HSPA4L: variants seen among roughly 807,000 people sequenced by gnomAD.
The protein encoded by HSPA4L is heat shock protein family A (Hsp70) member 4 like.
In HSPA4L, 48 loss-of-function variants were observed where a neutral mutation model predicts 100.3. The ratio of observed to expected loss-of-function variants is 0.48; its 90% CI spans 0.38 to 0.61. HSPA4L has a LOEUF of 0.61. Among genes scored for constraint, HSPA4L ranks in the 20% least tolerant of loss-of-function variants. The pLI is 0.00. For missense variants in HSPA4L, 886 were observed against 988.6 expected (o/e 0.90, Z 1.39); for synonymous variants, 319 against 328.2 (o/e 0.97, Z 0.30).
chr4:127,825,056 C>T (rs969481734), intron 16 of HSPA4L, among the ~76,000 whole-genome samples: 28 of 151,726 alleles, frequency 1.8e-4, no homozygotes, highest in Admixed American at 1.3e-4. Context: ...AGGAGAATGG[C>T]GTGAACCCAG....
At chr4:127,821,039 G>A (rs901760842) in intron 14 of HSPA4L, among the ~76,000 whole-genome samples, 5 of 151,998 alleles carry the variant, frequency 3.3e-5, no homozygotes, top group Admixed American at 2.0e-4. Context: ...TAGAGGAAAC[G>A]AGTTTTGTTT....
chr4:127,792,491 C>T (rs553594834), intron 1 of HSPA4L, among the ~76,000 whole-genome samples: 90 of 152,260 alleles, frequency 5.9e-4, no homozygotes, highest in Non-Finnish European at 1.1e-3. Flanking sequence ...ATATTCAGTT[C>T]TCTGTATATC....
intron 13 of HSPA4L, among the ~76,000 whole-genome samples, 182 bp from the exon 14 acceptor site, chr4:127,820,246 A>G (rs1005255752): frequency 2.6e-5 from 4 of 152,124 alleles, no homozygotes; most frequent in Admixed American, 6.5e-5. Context: ...TTCCAACCCA[A>G]TATTTTTAAT....
At chr4:127,823,941 A>G (rs1262315335) in intron 16 of HSPA4L, among the ~76,000 whole-genome samples, 1 of 152,224 alleles carries the variant, frequency 6.6e-6, no homozygotes, top group Non-Finnish European at 1.5e-5. Context: ...ATGATGTACA[A>G]TAGATCTCTT....
chr4:127,816,705 C>T (rs1425450815), intron 12 of HSPA4L, among the ~76,000 whole-genome samples: 4 of 152,144 alleles, frequency 2.6e-5, no homozygotes, highest in Admixed American at 2.0e-4. Flanking sequence ...AATGCTGGGT[C>T]ATTTATACTC....
chr4:127,837,749 A>G lies in HSPA4L; in HGVS notation c.*4875A>G, dbSNP rs1734247128. ...TTGTAACCAAAACAAGCAAAAAGAA[A>G]CTTTAGCTGTTTAACTATCACCTCT... On this transcript the variant is annotated 3_prime_UTR_variant, in exon 19 of 19. Coordinates refer to ENST00000296464, the MANE Select transcript of HSPA4L (RefSeq NM_014278.4). 6.6e-6 allele frequency: 1 copy of G among 152,170 alleles called. No individual in the cohort carries two copies. The highest frequency in any genetic ancestry group is 1.5e-5 in the Non-Finnish European group (1 of 68,032). The allele number at this position is 152,170 out of a possible 1,614,324, so 9.4% of individuals were successfully genotyped here. A position where few individuals can be genotyped will look rare whatever the true frequency, so the allele number is the denominator to read the frequency against.
At chr4:127,823,144 A>AT (rs913473260) in intron 15 of HSPA4L, among the ~76,000 whole-genome samples, 23 of 150,264 alleles carry the variant, frequency 1.5e-4, no homozygotes, top group South Asian at 2.1e-4. Flanking sequence ...ATGATTTTTA[A>AT]TTTTTTTTTT....
intron 8 of HSPA4L, among the ~76,000 whole-genome samples, chr4:127,804,351 A>G (rs556333508): frequency 1.3e-5 from 2 of 152,078 alleles, no homozygotes; most frequent in East Asian, 3.9e-4. Flanking sequence ...CATGCCTGTA[A>G]TCCCAGCACT....
intron 6 of HSPA4L, 33 bp downstream of exon 6, chr4:127,801,951 A>T: frequency 6.5e-7 from 1 of 1,548,468 alleles, no homozygotes; most frequent in Non-Finnish European, 8.8e-7. Flanking sequence ...ATATTTACAT[A>T]TGTTAAGAAC....
chr4:127,827,201 T>C, intron 16 of HSPA4L, 104 bp from the exon 17 acceptor site: 1 of 889,844 alleles, frequency 1.1e-6, no homozygotes. Context: ...TATATTTTTA[T>C]CTGTCCATCT....
rs1171323333 is a variant in HSPA4L at position 127,788,317 on chromosome 4, TTTG to T, written c.107+5663_107+5665del. The stretch of plus-strand genomic sequence containing the variant: ...TTGTCCATAATGAAAAGCTGAAAGC[TTTG>T]TTATTACTAAATCATATGTGCCCAG... On this transcript the variant is annotated intron_variant, in intron 1 of 18. Transcript: ENST00000296464. 2.7e-4 allele frequency among the ~76,000 whole-genome samples: 41 copies of T among 152,348 alleles called. No individual in the cohort carries two copies. In the East Asian group the frequency reaches 3.7e-3, roughly 14 times the overall value.
In HSPA4L at chr4:127,804,027, C is replaced by T. The variant is rs764601890; in HGVS notation, c.925C>T (p.Leu309=). 1.9e-6 allele frequency: 3 copies of T among 1,614,022 alleles called. No homozygotes were observed. Among genetic ancestry groups the T allele is most frequent in the Non-Finnish European group, 2.5e-6 (3 of 1,179,948 alleles). Residue 309 remains leucine, a synonymous_variant, in exon 8 of 19, where the codon CTG becomes TTG. Coordinates refer to ENST00000296464, the MANE Select transcript of HSPA4L (RefSeq NM_014278.4). ...SKMNRAQFEQ[L]CASLLARVEP... ...TTCTCACAGGGCTCAATTTGAACAA[C>T]TGTGTGCTTCCCTTTTGGCCAGGGT...
At position 127,836,972 on chromosome 4, in the gene HSPA4L, G is replaced by A. The variant is rs1734225989; in HGVS notation, c.*4098G>A. On this transcript the variant is annotated 3_prime_UTR_variant, in exon 19 of 19. Coordinates refer to ENST00000296464, the MANE Select transcript of HSPA4L (RefSeq NM_014278.4). ...TTTTTTTGTTTTGAGACAGAGTATG[G>A]CTTTGTTACCCAGGCTGGATTGCAA... 6.6e-6 allele frequency: 1 copy of A among 151,830 alleles called. No individual in the cohort carries two copies. The highest frequency in any genetic ancestry group is 1.5e-5 in the Non-Finnish European group (1 of 67,976). 9.4% of individuals were successfully genotyped at this position (151,830 alleles called of 1,614,324 possible).
chr4:127,797,516 G>C (rs970532464), intron 3 of HSPA4L, among the ~76,000 whole-genome samples: 9 of 151,670 alleles, frequency 5.9e-5, no homozygotes, highest in Non-Finnish European at 1.3e-4. Context: ...GAAGACTTAA[G>C]AAAATCAATG....
At chr4:127,807,321 G>A (rs1412149770) in intron 10 of HSPA4L, among the ~76,000 whole-genome samples, 1 of 151,958 alleles carries the variant, frequency 6.6e-6, no homozygotes, top group Non-Finnish European at 1.5e-5. Flanking sequence ...TGTATTGGAG[G>A]GGTAAAATGC....
chr4:127,795,001 A>G (rs1732978376), intron 2 of HSPA4L, among the ~76,000 whole-genome samples: 1 of 152,164 alleles, frequency 6.6e-6, no homozygotes, highest in South Asian at 2.1e-4. Flanking sequence ...AAATTAAGAT[A>G]CTTTCATTTA....
rs1437036896 is a variant in HSPA4L, at chr4:127,809,496, A to G, written c.1378+1367A>G. ...AGAATGAAGAAAATATTTGTGATGG[A>G]AAAGAGACTTTGTAATATCAAATGC... is the stretch of plus-strand genomic sequence containing the variant. On this transcript the variant is annotated intron_variant, in intron 11 of 18. Transcript: ENST00000296464. The G allele has an allele frequency of 3.1e-6, 3 of 983,594 alleles. No individual in the cohort carries two copies. The East Asian group carries it at 7.2e-5, about 23-fold the overall frequency. The allele number at this position is 983,594 out of a possible 1,614,324, so 60.9% of individuals were successfully genotyped here.
At chr4:127,816,513 G>A (rs1393354744) in intron 12 of HSPA4L, among the ~76,000 whole-genome samples, 3 of 152,122 alleles carry the variant, frequency 2.0e-5, no homozygotes, top group Non-Finnish European at 2.9e-5. Context: ...GGCATGACTA[G>A]ATAGTTGGCA....
At position 127,801,160 on chromosome 4, in the gene HSPA4L, C is replaced by T; in HGVS notation, c.452C>T (p.Ala151Val). Residue 151 changes from alanine (A) to valine (V), a missense_variant, in exon 5 of 19, where the codon GCC (alanine) becomes GTC (valine). Coordinates refer to ENST00000296464, the MANE Select transcript of HSPA4L (RefSeq NM_014278.4). Reference protein sequence around the residue: ...VISIPSFFTDAERRSVMAAAQ... With the variant: ...VISIPSFFTDVERRSVMAAAQ... ...TAGATTCCTAGCTTTTTTACTGATG[C>T]CGAGAGAAGATCTGTGATGGCTGCA... 6.2e-7 allele frequency: 1 copy of T among 1,611,920 alleles called. No homozygotes were observed. The highest frequency in any genetic ancestry group is 8.5e-7 in the Non-Finnish European group (1 of 1,179,170).
Sources: gnomAD v4.1 joint callset for allele counts (sites outside exome capture counted in the v4.1 genomes callset) on GRCh38, gnomAD v4.1.1 for gene constraint, MANE v1.5 for transcripts, NCBI Gene and HGNC (gene_info 2026-07-23, HGNC 2026-07-21) for gene names.